Variants in BAIAP2L1 observed in about 807,000 individuals in gnomAD.
The protein encoded by BAIAP2L1 is BAR/IMD domain-containing adapter protein 2-like 1.
Under a neutral mutation model 66.3 loss-of-function variants are expected in BAIAP2L1, and 35 were observed. The observed-to-expected ratio is 0.53, with a 90% CI of 0.40 to 0.70. The LOEUF (loss-of-function observed/expected upper bound fraction) is 0.70. Among genes scored for constraint, BAIAP2L1 ranks in the 30% least tolerant of loss-of-function variants. The pLI is 0.00. For missense variants in BAIAP2L1, 622 were observed against 656.9 expected (o/e 0.95, Z 0.58); for synonymous variants, 269 against 248.7 (o/e 1.08, Z -0.77).
chr7:98,306,766 G>T, intron 10 of BAIAP2L1: 3 of 498,602 alleles, frequency 6.0e-6, no homozygotes, highest in Non-Finnish European at 1.1e-5. Flanking sequence ...GGAGTGCAGT[G>T]GTGCGATCAT....
rs1800549111 is a variant in BAIAP2L1 at position 98,304,326 on chromosome 7, C to T, written c.1292G>A (p.Ser431Asn). Residue 431 changes from serine (S) to asparagine (N), a missense_variant, in exon 12 of 14, where the codon AGT (serine) becomes AAT (asparagine). By Grantham distance (46) the Ser-to-Asn change is conservative. Transcript: ENST00000005260. ...GTAGTCGGGTGGGGGGATGACAACACTGCTATTCTCAGACAAGTTCACGGT... is the reference window on the plus strand; with the variant it reads ...GTAGTCGGGTGGGGGGATGACAACATTGCTATTCTCAGACAAGTTCACGGT... ...ISTVNLSENS[S>N]VVIPPPDYLE... 2 of 1,613,640 alleles carry T rather than the reference C, an allele frequency of 1.2e-6. No individual in the cohort carries two copies. Among genetic ancestry groups the T allele is most frequent in the African/African-American group, 1.3e-5 (1 of 75,022 alleles).
At chr7:98,399,787 C>T (rs765815133) in intron 1 of BAIAP2L1, among the ~76,000 whole-genome samples, 1 of 152,220 alleles carries the variant, frequency 6.6e-6, no homozygotes, top group Non-Finnish European at 1.5e-5. Flanking sequence ...TCTCCTAATA[C>T]ATGCAAGTTA....
intron 11 of BAIAP2L1, among the ~76,000 whole-genome samples, chr7:98,305,623 A>G (rs954387019): frequency 7.9e-5 from 12 of 152,012 alleles, no homozygotes; most frequent in African/African-American, 2.9e-4. Context: ...GGATCTTGCT[A>G]TGTTGCGCAG....
chr7:98,304,685 T>C (rs1397041246), intron 11 of BAIAP2L1, among the ~76,000 whole-genome samples: 1 of 152,050 alleles, frequency 6.6e-6, no homozygotes, highest in Non-Finnish European at 1.5e-5. Context: ...GTAGCTGGGA[T>C]TACAGGTGCA....
chr7:98,314,155 G>A lies in BAIAP2L1; in HGVS notation c.639+1305C>T, dbSNP rs1057020878. On this transcript the variant is annotated intron_variant, in intron 7 of 13. Transcript: ENST00000005260. ...TGCTCACCACATGTGATTAATTTTT[G>A]TATTTTTAGTAGAGACAGGGTTTCA... 2.6e-4 allele frequency among the ~76,000 whole-genome samples: 39 copies of A among 151,244 alleles called. 1 individual carries two copies. The highest frequency in any genetic ancestry group is 1.5e-5 in the Non-Finnish European group (1 of 67,834).
At chr7:98,309,686 C>G (rs1800799202) in intron 9 of BAIAP2L1, 1 of 152,242 alleles carries the variant, frequency 6.6e-6, no homozygotes, top group Non-Finnish European at 1.5e-5. Context: ...CCAGGGCTCT[C>G]TCTCACAAAC....
At chr7:98,336,731 G>A (rs758662400) in intron 3 of BAIAP2L1, among the ~76,000 whole-genome samples, 1 of 152,188 alleles carries the variant, frequency 6.6e-6, no homozygotes, top group Non-Finnish European at 1.5e-5. Context: ...AACATTTAAG[G>A]GTCGCCCTTA....
chr7:98,335,342 C>T (rs182300503), intron 3 of BAIAP2L1, among the ~76,000 whole-genome samples: 1 of 152,136 alleles, frequency 6.6e-6, no homozygotes, highest in African/African-American at 2.4e-5. Context: ...TTCCCTCCAC[C>T]CCCACATAGG....
intron 2 of BAIAP2L1, 72 bp downstream of exon 2, chr7:98,362,285 C>A (rs1802284795): frequency 8.3e-7 from 1 of 1,203,120 alleles, no homozygotes. Flanking sequence ...AAATTCAATA[C>A]TAAGCATTTA....
chr7:98,352,269 G>A (rs969138064), intron 3 of BAIAP2L1, among the ~76,000 whole-genome samples: 1 of 152,162 alleles, frequency 6.6e-6, no homozygotes, highest in Non-Finnish European at 1.5e-5. Context: ...AACTACATGA[G>A]ATAGCAAGTA....
chr7:98,322,136 G>A (rs1206016568), intron 3 of BAIAP2L1, among the ~76,000 whole-genome samples: 1 of 152,094 alleles, frequency 6.6e-6, no homozygotes, highest in African/African-American at 2.4e-5. Context: ...GAACTGAGAG[G>A]CTGCAGGGGA....
intron 1 of BAIAP2L1, among the ~76,000 whole-genome samples, chr7:98,362,808 G>A (rs1163562832): frequency 6.6e-6 from 1 of 152,140 alleles, no homozygotes; most frequent in African/African-American, 2.4e-5. Context: ...GCCTGTGGAG[G>A]ATCAGCTACC....
intron 12 of BAIAP2L1, among the ~76,000 whole-genome samples, chr7:98,299,714 C>CA (rs1800341078): frequency 6.6e-6 from 1 of 152,114 alleles, no homozygotes. Context: ...CCTAACTGTC[C>CA]AATGTGGCAA....
intron 1 of BAIAP2L1, among the ~76,000 whole-genome samples, chr7:98,364,946 C>T (rs1422283135): frequency 8.0e-6 from 1 of 124,916 alleles, no homozygotes; most frequent in African/African-American, 3.1e-5. Context: ...GTGACTGCAC[C>T]ACTTCACTCC....
At chr7:98,378,593 T>G (rs1262987942) in intron 1 of BAIAP2L1, among the ~76,000 whole-genome samples, 1 of 152,222 alleles carries the variant, frequency 6.6e-6, no homozygotes, top group East Asian at 1.9e-4. Context: ...ATATTCCCTG[T>G]TTACTCTCTG....
At chr7:98,381,025 G>C (rs1174124795) in intron 1 of BAIAP2L1, among the ~76,000 whole-genome samples, 2 of 152,092 alleles carry the variant, frequency 1.3e-5, no homozygotes, top group Non-Finnish European at 2.9e-5. Context: ...CAGACAGCTG[G>C]ACACGCACCA....
At chr7:98,334,751 G>A (rs1175750540) in intron 3 of BAIAP2L1, among the ~76,000 whole-genome samples, 14 of 151,558 alleles carry the variant, frequency 9.2e-5, no homozygotes, top group African/African-American at 2.9e-4. Context: ...TCACCATATT[G>A]GTCAGGCTGG....
At chr7:98,387,184 G>A (rs368311987) in intron 1 of BAIAP2L1, among the ~76,000 whole-genome samples, 26 of 152,216 alleles carry the variant, frequency 1.7e-4, no homozygotes, top group East Asian at 1.5e-3. Flanking sequence ...TTTAATTTAC[G>A]ACATGGGCAG....
chr7:98,361,148 G>C (rs1332569616), intron 2 of BAIAP2L1, among the ~76,000 whole-genome samples: 1 of 152,134 alleles, frequency 6.6e-6, no homozygotes, highest in Non-Finnish European at 1.5e-5. Context: ...CCTGAGGTCA[G>C]GAGTTCGAGA....
Sources: allele counts gnomAD v4.1 joint callset (sites outside exome capture counted in the v4.1 genomes callset), GRCh38; gene constraint gnomAD v4.1.1; transcripts MANE v1.5; gene names NCBI Gene and HGNC (gene_info 2026-07-23, HGNC 2026-07-21).